The following RNF24 variants were observed in gnomAD, a reference collection of about 807,000 sequenced individuals.
RNF24 encodes the protein ring finger protein 24.
In RNF24, 14 loss-of-function variants were observed where a neutral mutation model predicts 20.0. That is an observed-to-expected ratio of 0.70 (90% CI 0.46 to 1.10). RNF24 has a LOEUF of 1.10. RNF24 is among the 50% of genes least tolerant of loss of function. The pLI, the probability that RNF24 is intolerant of heterozygous loss-of-function variation, is 0.00. For synonymous variants in RNF24, 45 were observed against 61.1 expected (o/e 0.74, Z 1.23); for missense variants, 124 against 177.6 (o/e 0.70, Z 1.71).
At chr20:3,982,122 T>C (rs1979456147) in intron 1 of RNF24, among the ~76,000 whole-genome samples, 1 of 151,416 alleles carries the variant, frequency 6.6e-6, no homozygotes, top group East Asian at 2.0e-4. Context: ...TCTCTCTCTC[T>C]CTCTCTCTCT....
At chr20:3,984,921 A>G (rs898273097) in intron 1 of RNF24, among the ~76,000 whole-genome samples, 1 of 152,084 alleles carries the variant, frequency 6.6e-6, no homozygotes, top group African/African-American at 2.4e-5. Flanking sequence ...GTAACTCCGA[A>G]ACCTCTCAGT....
chr20:3,989,564 A>G (rs6052217), intron 1 of RNF24, among the ~76,000 whole-genome samples: 20,294 of 152,130 alleles, frequency 0.13, 1,521 homozygotes, highest in Non-Finnish European at 0.17. Context: ...ACAGAATAGA[A>G]ATACGACAGT....
chr20:3,978,125 A>C (rs899378845), intron 1 of RNF24, among the ~76,000 whole-genome samples: 1 of 150,388 alleles, frequency 6.6e-6, no homozygotes, highest in Non-Finnish European at 1.5e-5. Context: ...GCTAGAGTGC[A>C]GTGGCGTGAT....
chr20:3,998,217 G>A (rs1054854814), intron 1 of RNF24, among the ~76,000 whole-genome samples: 7 of 151,794 alleles, frequency 4.6e-5, no homozygotes, highest in Non-Finnish European at 1.0e-4. Context: ...AAGGCGGGCG[G>A]ATCACAAGGT....
chr20:4,006,135 A>AG (rs1981850363), intron 1 of RNF24, among the ~76,000 whole-genome samples: 1 of 152,154 alleles, frequency 6.6e-6, no homozygotes. Flanking sequence ...CCCGCACTCT[A>AG]GGAGGCTGAG....
At position 3,929,631 on chromosome 20, in the gene RNF24, C is replaced by G. The variant is rs2090790936; in HGVS notation, c.*4432G>C. 6.6e-6 allele frequency: 1 copy of G among 152,426 alleles called. No individual in the cohort carries two copies. The highest frequency in any genetic ancestry group is 1.5e-5 in the Non-Finnish European group (1 of 68,216). 9.4% of individuals were successfully genotyped at this position (152,426 alleles called of 1,614,324 possible). A position where few individuals can be genotyped will look rare whatever the true frequency, so the allele number is the denominator to read the frequency against. On this transcript the variant is annotated 3_prime_UTR_variant, in exon 6 of 6. Transcript: ENST00000358395. The stretch of plus-strand genomic sequence containing the variant: ...CCACTGGTCCTCACTTGGAACTGGC[C>G]AAGGTAGGGGAGGGGCCAGCAGCTG...
chr20:3,963,847 G>C, intron 2 of RNF24, 28 bp downstream of exon 2: 1 of 1,490,610 alleles, frequency 6.7e-7, no homozygotes, highest in Non-Finnish European at 9.1e-7. Context: ...AACATATTTT[G>C]AAGTAACATA....
chr20:3,963,970 T>C lies in RNF24; in HGVS notation c.48A>G (p.Gly16=). The C allele has an allele frequency of 6.2e-7, 1 of 1,613,542 alleles. No homozygotes were observed. The highest frequency in any genetic ancestry group is 8.5e-7 in the Non-Finnish European group (1 of 1,179,596). Reference sequence around the variant, plus strand: ...ATATGTTGAGAGGCAGATTCTGGAATCCAATATTAGGCATCCTGAAGTTGT... The same window carrying C: ...ATATGTTGAGAGGCAGATTCTGGAACCCAATATTAGGCATCCTGAAGTTGT... The part of the protein sequence containing the change: ...PHYNFRMPNI[G]FQNLPLNIYI... Residue 16 remains glycine (G), a synonymous_variant, in exon 2 of 6, where the codon GGA becomes GGG. Transcript: ENST00000358395.
intron 1 of RNF24, among the ~76,000 whole-genome samples, chr20:3,976,525 G>C (rs1434095571): frequency 6.6e-6 from 1 of 152,150 alleles, no homozygotes; most frequent in African/African-American, 2.4e-5. Flanking sequence ...GCACTCCTGG[G>C]CATTTATTCC....
chr20:3,952,340 T>C (rs2091090950), intron 2 of RNF24, among the ~76,000 whole-genome samples: 1 of 152,148 alleles, frequency 6.6e-6, no homozygotes, highest in African/African-American at 2.4e-5. Flanking sequence ...CTACTGTAAA[T>C]AGTGTTGAAA....
intron 1 of RNF24, among the ~76,000 whole-genome samples, chr20:3,987,901 T>C (rs1210338089): frequency 1.3e-5 from 2 of 152,198 alleles, no homozygotes; most frequent in East Asian, 3.9e-4. Context: ...CAAGCAAGCA[T>C]AGGTAGAGAT....
rs137920627 is a variant in RNF24 at position 3,932,557 on chromosome 20, T to C, written c.*1506A>G. The C allele has an allele frequency of 1.6e-3, 290 of 186,912 alleles. 2 individuals are homozygous for C. Among genetic ancestry groups the C allele is most frequent in the African/African-American group, 6.3e-3 (274 of 43,150 alleles). The allele number at this position is 186,912 out of a possible 1,614,324, so 11.6% of individuals were successfully genotyped here. A position where few individuals can be genotyped will look rare whatever the true frequency, so the allele number is the denominator to read the frequency against. The stretch of plus-strand genomic sequence containing the variant: ...GTTCCTTCTCCTAAGAGGACAGAGG[T>C]TGGATTCCAGAAAAAAATCCTGGAG... On this transcript the variant is annotated 3_prime_UTR_variant, in exon 6 of 6. Coordinates refer to ENST00000358395, the MANE Select transcript of RNF24 (RefSeq NM_001134337.3).
chr20:3,936,902 T>A (rs920820687), intron 4 of RNF24, among the ~76,000 whole-genome samples: 2 of 152,218 alleles, frequency 1.3e-5, no homozygotes, highest in Admixed American at 6.5e-5. Flanking sequence ...AGTGGTGCGA[T>A]CTCAGCTCAC....
chr20:3,985,912 A>G (rs997108183), intron 1 of RNF24, among the ~76,000 whole-genome samples: 50 of 151,878 alleles, frequency 3.3e-4, no homozygotes, highest in African/African-American at 1.1e-3. Flanking sequence ...CTAATTTTGT[A>G]TTTTTAATAG....
rs1165795318 is a variant in RNF24, at chr20:3,930,692, G to C, written c.*3371C>G. On this transcript the variant is annotated 3_prime_UTR_variant, in exon 6 of 6. Coordinates refer to ENST00000358395, the MANE Select transcript of RNF24 (RefSeq NM_001134337.3). The stretch of plus-strand genomic sequence containing the variant: ...AAGCCTCTGAGAAAAATAATTCCTA[G>C]TTGTTCAAAGTAGCTTAGAGCGGGA... The C allele has an allele frequency of 6.6e-6, 1 of 152,280 alleles. No homozygotes were observed. Among genetic ancestry groups the C allele is most frequent in the Non-Finnish European group, 1.5e-5 (1 of 68,102 alleles). 9.4% of individuals were successfully genotyped at this position (152,280 alleles called of 1,614,324 possible).
chr20:3,956,812 T>G (rs77416734), intron 2 of RNF24, among the ~76,000 whole-genome samples: 3 of 152,226 alleles, frequency 2.0e-5, no homozygotes, highest in Non-Finnish European at 4.4e-5. Flanking sequence ...TTTTACATTT[T>G]ATTTCTTTAC....
intron 1 of RNF24, among the ~76,000 whole-genome samples, chr20:3,972,907 T>TA (rs879499467): frequency 2.4e-4 from 30 of 125,822 alleles, no homozygotes; most frequent in South Asian, 5.0e-4. Context: ...CGTCTCAGTT[T>TA]AAAAAAAAAA....
chr20:3,994,876 A>C (rs1980737437), intron 1 of RNF24, among the ~76,000 whole-genome samples: 1 of 152,230 alleles, frequency 6.6e-6, no homozygotes. Context: ...CACGTACTAA[A>C]AGTGAAATAA....
chr20:3,946,440 G>A (rs916245269), intron 3 of RNF24, among the ~76,000 whole-genome samples: 1 of 151,796 alleles, frequency 6.6e-6, no homozygotes, highest in African/African-American at 2.4e-5. Flanking sequence ...CGTGACAGAA[G>A]CGAGACCCTG....
Sources: allele counts gnomAD v4.1 joint callset (sites outside exome capture counted in the v4.1 genomes callset), GRCh38; gene constraint gnomAD v4.1.1; transcripts MANE v1.5; gene names NCBI Gene and HGNC (gene_info 2026-07-23, HGNC 2026-07-21).